ABTB3: variants seen among roughly 807,000 people sequenced by gnomAD.
ABTB3 encodes ankyrin repeat and BTB domain containing 3, also known as ankyrin repeat- and BTB/POZ domain-containing protein 3.
At chr12:107,628,310 T>G in the ABTB3 span, among the ~76,000 whole-genome samples, 9 of 152,086 alleles carry the variant, frequency 5.9e-5, no homozygotes, top group Admixed American at 2.0e-4. Flanking sequence ...CCTGGCTAAT[T>G]TTTTGTATTT....
At chr12:107,510,653 G>A in the ABTB3 span, among the ~76,000 whole-genome samples, 1 of 152,144 alleles carries the variant, frequency 6.6e-6, no homozygotes, top group Admixed American at 6.5e-5. Flanking sequence ...AGTGGCTCAT[G>A]CCTGTGAAAG....
chr12:107,463,923 G>A, the ABTB3 span, among the ~76,000 whole-genome samples: 617 of 152,272 alleles, frequency 4.1e-3, 2 homozygotes, highest in African/African-American at 0.014. Context: ...CTCTCTGTGG[G>A]ACTGTGGGGG....
the ABTB3 span, among the ~76,000 whole-genome samples, chr12:107,430,242 T>C: frequency 1.3e-5 from 2 of 152,214 alleles, no homozygotes; most frequent in Non-Finnish European, 2.9e-5. Flanking sequence ...AGTCCCCTTT[T>C]GTTGGACATT....
At chr12:107,657,950 T>C in the ABTB3 span, 7 of 573,806 alleles carry the variant, frequency 1.2e-5, no homozygotes, top group Admixed American at 6.1e-5. Flanking sequence ...TTAACCCCAA[T>C]TGAAAGCACC....
At chr12:107,578,139 T>C in the ABTB3 span, among the ~76,000 whole-genome samples, 50 of 152,216 alleles carry the variant, frequency 3.3e-4, no homozygotes, top group African/African-American at 1.2e-3. Context: ...TGCTATTTTT[T>C]CCCCTCTGAG....
the ABTB3 span, among the ~76,000 whole-genome samples, chr12:107,444,281 A>G: frequency 6.6e-6 from 1 of 152,302 alleles, no homozygotes; most frequent in South Asian, 2.1e-4. Flanking sequence ...TCTAAACTGT[A>G]CATTGGCATA....
At chr12:107,338,087 T>A in the ABTB3 span, among the ~76,000 whole-genome samples, 2 of 152,194 alleles carry the variant, frequency 1.3e-5, no homozygotes, top group Non-Finnish European at 2.9e-5. Context: ...AGTGTGATAC[T>A]AATTAATTCA....
the ABTB3 span, among the ~76,000 whole-genome samples, chr12:107,367,890 C>T: frequency 6.6e-6 from 1 of 152,140 alleles, no homozygotes; most frequent in African/African-American, 2.4e-5. Flanking sequence ...AATATATGCT[C>T]TTGAACAGGT....
At chr12:107,508,438 CTTTTTTTTTTTTTTTTTTT>C in the ABTB3 span, among the ~76,000 whole-genome samples, 7 of 69,166 alleles carry the variant, frequency 1.0e-4, no homozygotes, top group East Asian at 2.6e-3. Flanking sequence ...AAGATCATTT[CTTTTTTTTTTTTTTTTTTT>C]TTTTTTTTTT....
chr12:107,375,273 C>G, the ABTB3 span, among the ~76,000 whole-genome samples: 4 of 152,026 alleles, frequency 2.6e-5, no homozygotes, highest in African/African-American at 9.7e-5. Flanking sequence ...AAAACATTAG[C>G]CAGGTGTGGT....
the ABTB3 span, among the ~76,000 whole-genome samples, chr12:107,532,841 T>C: frequency 1.3e-5 from 2 of 151,952 alleles, no homozygotes; most frequent in Non-Finnish European, 2.9e-5. Context: ...AGAAACCTTA[T>C]AGGCCAGGAA....
chr12:107,365,237 G>A, the ABTB3 span, among the ~76,000 whole-genome samples: 2 of 152,178 alleles, frequency 1.3e-5, no homozygotes, highest in Non-Finnish European at 1.5e-5. Flanking sequence ...TTTGCAAAAC[G>A]TGATACAAAG....
the ABTB3 span, among the ~76,000 whole-genome samples, chr12:107,629,883 C>T: frequency 6.6e-6 from 1 of 152,104 alleles, no homozygotes; most frequent in Admixed American, 6.6e-5. Flanking sequence ...CATAGGATAA[C>T]CCAGCTTATC....
the ABTB3 span, among the ~76,000 whole-genome samples, chr12:107,368,569 A>G: frequency 6.6e-6 from 1 of 152,032 alleles, no homozygotes; most frequent in African/African-American, 2.4e-5. Context: ...ATCTCCTTTC[A>G]CTTGTTCCCA....
chr12:107,586,279 G>A, the ABTB3 span, among the ~76,000 whole-genome samples: 408 of 152,106 alleles, frequency 2.7e-3, 5 homozygotes, highest in Non-Finnish European at 3.0e-3. Context: ...ATGTCCACAC[G>A]TTGACCCCTG....
the ABTB3 span, among the ~76,000 whole-genome samples, chr12:107,582,820 C>T: frequency 2.6e-5 from 4 of 152,200 alleles, no homozygotes; most frequent in African/African-American, 9.7e-5. Context: ...CGTGCAGGCT[C>T]ACTCCCACCA....
the ABTB3 span, among the ~76,000 whole-genome samples, chr12:107,481,766 C>CTGGCCA: frequency 6.6e-6 from 1 of 152,164 alleles, no homozygotes; most frequent in African/African-American, 2.4e-5. Context: ...GGTCTTGTCT[C>CTGGCCA]TGGCCACTTC....
the ABTB3 span, among the ~76,000 whole-genome samples, chr12:107,547,052 G>A: frequency 6.6e-6 from 1 of 152,038 alleles, no homozygotes; most frequent in Non-Finnish European, 1.5e-5. Flanking sequence ...AAATTAGCTG[G>A]GTGTGGTGGT....
At chr12:107,460,584 C>T in the ABTB3 span, among the ~76,000 whole-genome samples, 5 of 151,968 alleles carry the variant, frequency 3.3e-5, no homozygotes, top group South Asian at 2.1e-4. Context: ...GCTTGAGCCC[C>T]GGAGGTGGAA....
Sources: allele counts gnomAD v4.1 joint callset (sites outside exome capture counted in the v4.1 genomes callset), GRCh38; gene constraint gnomAD v4.1.1; transcripts MANE v1.5; gene names NCBI Gene and HGNC (gene_info 2026-07-23, HGNC 2026-07-21).